The following VPS37A variants were observed in gnomAD, a reference collection of about 807,000 sequenced individuals.
VPS37A encodes the protein VPS37A subunit of ESCRT-I.
A neutral mutation model predicts 49.8 loss-of-function variants in VPS37A; 30 were observed. The observed-to-expected ratio is 0.60, with a 90% confidence interval of 0.45 to 0.82. VPS37A has a LOEUF of 0.82. Among genes scored for constraint, VPS37A ranks in the 40% least tolerant of loss-of-function variants. The pLI is 0.00. For synonymous variants in VPS37A, 195 were observed against 160.6 expected (o/e 1.21, Z -1.62); for missense variants, 593 against 464.4 (o/e 1.28, Z -2.55).
At chr8:17,315,523 G>A in the VPS37A span, among the ~76,000 whole-genome samples, 6 of 152,164 alleles carry the variant, frequency 3.9e-5, no homozygotes, top group African/African-American at 1.4e-4. Flanking sequence ...GTACCACTCC[G>A]TCGGGGATGT....
In VPS37A at chr8:17,287,993, A is replaced by C. The variant is rs1231656351; in HGVS notation, c.*1566A>C. Among the ~76,000 whole-genome samples the C allele has an allele frequency of 2.0e-5, 3 of 152,180 alleles. No homozygotes were observed. The South Asian group carries it at 6.2e-4, about 32-fold the overall frequency. ...GACAGGCGTTTCTCATGTCCAGTAA[A>C]CTATTTCTGCTCCTTGTAACATTAG... On this transcript the variant is annotated intron_variant, in intron 11 of 11. Transcript: ENST00000324849.
the VPS37A span, among the ~76,000 whole-genome samples, chr8:17,327,626 G>C: frequency 7.8e-6 from 1 of 127,884 alleles, no homozygotes; most frequent in Non-Finnish European, 1.5e-5. Context: ...TAGTCCCTAA[G>C]AGGAAGAAAC....
At chr8:17,254,208 C>T (rs562520656) in intron 1 of VPS37A, among the ~76,000 whole-genome samples, 20 of 152,148 alleles carry the variant, frequency 1.3e-4, no homozygotes, top group African/African-American at 4.8e-4. Flanking sequence ...TAGTCTGCTT[C>T]TGGTGATGAA....
chr8:17,310,629 A>G, the VPS37A span, among the ~76,000 whole-genome samples: 11,005 of 152,230 alleles, frequency 0.072, 418 homozygotes, highest in African/African-American at 0.092. Context: ...TGAGGTGTCA[A>G]TGCTATCACA....
rs67718316 is a variant in VPS37A, at chr8:17,277,861, TACACACACACACACAC to T, written c.713+1420_713+1435del. ...ATTTCTCCCCAACTTTTCTCTTTTA[TACACACACACACACAC>T]ACACACACACACACACACACACACA... On this transcript the variant is annotated intron_variant, in intron 6 of 11. Coordinates refer to ENST00000324849, the MANE Select transcript of VPS37A (RefSeq NM_152415.3). Among the ~76,000 whole-genome samples, 21 of 140,992 alleles carry T rather than the reference TACACACACACACACAC, an allele frequency of 1.5e-4. No homozygotes were observed. The East Asian group carries it at 2.5e-3, about 17-fold the overall frequency. The allele number at this position is 140,992 out of a possible 152,430, so 92.5% of individuals were successfully genotyped here.
At position 17,274,935 on chromosome 8, in the gene VPS37A, C is replaced by A; in HGVS notation, c.619C>A (p.Pro207Thr). ...GVLSNLPLPIPTVDASIPTSQ... is the reference protein window; with the variant it reads ...GVLSNLPLPITTVDASIPTSQ... ...CCTTTCAAATCTGCCATTACCCATT[C>A]CCACAGTGGATGCTTCAATACCGGT... Residue 207 changes from proline to threonine, a missense_variant, in exon 5 of 12, where the codon CCC (proline) becomes ACC (threonine). By Grantham distance (38) the Pro-to-Thr change is conservative (BLOSUM62 -1). Transcript: ENST00000324849. 1 of 1,614,166 alleles carries A rather than the reference C, an allele frequency of 6.2e-7. No homozygotes were observed. The highest frequency in any genetic ancestry group is 8.5e-7 in the Non-Finnish European group (1 of 1,179,996).
rs148204721 is a variant in VPS37A, at chr8:17,276,424, A to G, written c.670A>G (p.Met224Val). The change falls in exon 6 of 12, where the codon ATG (methionine) becomes GTG (valine). Residue 224 changes from methionine (M) to valine (V), a missense_variant. Met to Val is a conservative substitution (Grantham distance 21). Transcript: ENST00000324849. ...AAGCCAAAATGGTTTTGGGTACAAG[A>G]TGCCAGATGTCCCTGATGCATTTCC... Reference protein sequence around the residue: ...PTSQNGFGYKMPDVPDAFPEL... With the variant: ...PTSQNGFGYKVPDVPDAFPEL... 4.3e-6 allele frequency: 7 copies of G among 1,612,538 alleles called. No homozygotes were observed. Among genetic ancestry groups the G allele is most frequent in the African/African-American group, 2.7e-5 (2 of 74,858 alleles).
At chr8:17,303,735 G>T (rs7816975), downstream of VPS37A, among the ~76,000 whole-genome samples, 8 of 151,660 alleles carry the variant, frequency 5.3e-5, 1 homozygote, top group South Asian at 1.7e-3. Context: ...TCAGCCTCCC[G>T]AGTAGCTAGG....
chr8:17,277,620 AC>A (rs1487177532), intron 6 of VPS37A, among the ~76,000 whole-genome samples: 1 of 152,018 alleles, frequency 6.6e-6, no homozygotes, highest in Non-Finnish European at 1.5e-5. Flanking sequence ...AAATTTTTCT[AC>A]CAGGTAAGGA....
At chr8:17,320,822 C>T in the VPS37A span, among the ~76,000 whole-genome samples, 9 of 152,332 alleles carry the variant, frequency 5.9e-5, no homozygotes, top group African/African-American at 2.2e-4. Flanking sequence ...CAAATTCCAG[C>T]ACCCTCCATG....
the VPS37A span, among the ~76,000 whole-genome samples, chr8:17,308,296 C>A: frequency 6.6e-6 from 1 of 152,072 alleles, no homozygotes; most frequent in African/African-American, 2.4e-5. Flanking sequence ...ATCCTAACTG[C>A]CTAGCGTGTA....
chr8:17,303,426 G>T (rs1391055855), downstream of VPS37A, among the ~76,000 whole-genome samples: 2 of 152,148 alleles, frequency 1.3e-5, no homozygotes, highest in African/African-American at 4.8e-5. Context: ...GGAGTGAGTA[G>T]GAAGAAAGAG....
At chr8:17,265,647 A>G in intron 1 of VPS37A, 1 of 740,096 alleles carries the variant, frequency 1.4e-6, no homozygotes, top group Non-Finnish European at 2.1e-6. Flanking sequence ...ACAGTGTAGC[A>G]TTAATGAAGA....
intron 4 of VPS37A, among the ~76,000 whole-genome samples, chr8:17,270,454 C>T (rs570246098): frequency 4.6e-5 from 7 of 152,100 alleles, no homozygotes; most frequent in Admixed American, 6.5e-5. Context: ...ATGTGACCTG[C>T]GCTTCCTCAC....
the VPS37A span, among the ~76,000 whole-genome samples, chr8:17,325,635 T>G: frequency 6.6e-6 from 1 of 152,210 alleles, no homozygotes; most frequent in Non-Finnish European, 1.5e-5. Context: ...CCTGCTCCAC[T>G]GTCAGGCTAA....
At position 17,274,777 on chromosome 8, in the gene VPS37A, G is replaced by T; in HGVS notation, c.461G>T (p.Gly154Val). 1 of 1,614,006 alleles carries T rather than the reference G, an allele frequency of 6.2e-7. No homozygotes were observed. The highest frequency in any genetic ancestry group is 1.1e-5 in the South Asian group (1 of 91,078). Residue 154 changes from glycine (G) to valine (V), a missense_variant, in exon 5 of 12, where the codon GGT becomes GTT. By Grantham distance (109) the Gly-to-Val change is moderately radical (BLOSUM62 -3). Transcript: ENST00000324849. ...PSGMSPYASQ[G>V]FPFLPPYPPQ... Reference sequence around the variant, plus strand: ...GGGATGTCTCCTTATGCTTCTCAGGGTTTTCCATTTCTTCCTCCATATCCT... The same window carrying T: ...GGGATGTCTCCTTATGCTTCTCAGGTTTTTCCATTTCTTCCTCCATATCCT...
chr8:17,254,253 T>C (rs998693094), intron 1 of VPS37A, among the ~76,000 whole-genome samples: 1 of 152,182 alleles, frequency 6.6e-6, no homozygotes, highest in East Asian at 1.9e-4. Context: ...TAGGGCAAGT[T>C]GATAGTTATC....
intron 2 of VPS37A, among the ~76,000 whole-genome samples, chr8:17,267,574 G>A (rs530726445): frequency 3.9e-5 from 6 of 152,272 alleles, no homozygotes; most frequent in South Asian, 2.1e-4. Context: ...GAAGGGAGCC[G>A]TGTAGAACCA....
Position 17,297,794 on chromosome 8 carries a change from T to C in VPS37A, c.*2808T>C, listed in dbSNP as rs1209609731. ...AAGAATCTGTGAAAGTACAGTAAAG[T>C]TTTAATAAGCAATAAATGTAACCTT... On this transcript the variant is annotated 3_prime_UTR_variant, in exon 12 of 12. Transcript: ENST00000324849. The C allele has an allele frequency of 6.6e-6, 1 of 151,980 alleles. No individual in the cohort carries two copies. The highest frequency in any genetic ancestry group is 1.5e-5 in the Non-Finnish European group (1 of 67,880). 9.4% of individuals were successfully genotyped at this position (151,980 alleles called of 1,614,324 possible).
Sources: gnomAD v4.1 joint callset for allele counts (sites outside exome capture counted in the v4.1 genomes callset) on GRCh38, gnomAD v4.1.1 for gene constraint, MANE v1.5 for transcripts, NCBI Gene and HGNC (gene_info 2026-07-23, HGNC 2026-07-21) for gene names.